Variants in GALNT13 observed in about 807,000 individuals in gnomAD.
The protein encoded by GALNT13 is UDP-GalNAc:polypeptide N-acetylgalactosaminyltransferase 13.
A neutral mutation model predicts 64.2 loss-of-function variants in GALNT13; 28 were observed. The observed-to-expected ratio is 0.44, with a 90% CI of 0.32 to 0.60. The LOEUF (loss-of-function observed/expected upper bound fraction) is 0.60, where lower values mean the gene tolerates loss of function less well. GALNT13 is among the 20% of genes least tolerant of loss of function. GALNT13 has a pLI of 0.05. For missense variants in GALNT13, 577 were observed against 669.8 expected, an observed-to-expected ratio of 0.86 and a Z score of 1.53; for synonymous variants, 214 against 224.6, an observed-to-expected ratio of 0.95 and a Z score of 0.42.
the GALNT13 span, among the ~76,000 whole-genome samples, chr2:153,767,165 C>T: frequency 0.017 from 2,617 of 152,164 alleles, 85 homozygotes; most frequent in African/African-American, 0.06. Context: ...CATGTATACC[C>T]ATTGTTTTGC....
the GALNT13 span, among the ~76,000 whole-genome samples, chr2:153,159,878 A>G: frequency 5.4e-4 from 82 of 152,316 alleles, no homozygotes; most frequent in Admixed American, 9.8e-4. Context: ...TGAGTTTCCT[A>G]TACTGAGAGA....
At chr2:153,617,210 T>G in the GALNT13 span, among the ~76,000 whole-genome samples, 1 of 151,996 alleles carries the variant, frequency 6.6e-6, no homozygotes. Flanking sequence ...GTGTCATAAT[T>G]GGCTTTTATT....
the GALNT13 span, among the ~76,000 whole-genome samples, chr2:153,139,811 T>C: frequency 6.6e-6 from 1 of 152,030 alleles, no homozygotes; most frequent in Admixed American, 6.6e-5. Context: ...ATTTGTTTTA[T>C]GCGTGAAGGG....
chr2:154,060,728 A>C (rs923876170), intron 3 of GALNT13, among the ~76,000 whole-genome samples: 11 of 152,124 alleles, frequency 7.2e-5, no homozygotes, highest in African/African-American at 2.7e-4. Flanking sequence ...ACTTGGGTAG[A>C]GGAACAAATC....
At chr2:153,817,918 T>C in the GALNT13 span, among the ~76,000 whole-genome samples, 1 of 152,142 alleles carries the variant, frequency 6.6e-6, no homozygotes. Context: ...TCAAGCTGGC[T>C]GACTAGAAGC....
At chr2:153,821,671 G>A in the GALNT13 span, among the ~76,000 whole-genome samples, 1 of 152,190 alleles carries the variant, frequency 6.6e-6, no homozygotes, top group East Asian at 1.9e-4. Flanking sequence ...ATACCTAGAA[G>A]AAATAGTAAA....
chr2:153,202,145 C>A, the GALNT13 span, among the ~76,000 whole-genome samples: 1 of 151,644 alleles, frequency 6.6e-6, no homozygotes, highest in Non-Finnish European at 1.5e-5. Flanking sequence ...CCACCGCGCC[C>A]GGCTAATTTT....
At chr2:154,418,000 G>A (rs113776156) in intron 11 of GALNT13, among the ~76,000 whole-genome samples, 148 of 151,648 alleles carry the variant, frequency 9.8e-4, no homozygotes, top group African/African-American at 3.4e-3. Flanking sequence ...TCATTATGTT[G>A]TCATTCAATT....
chr2:154,150,192 G>T (rs971567358), intron 4 of GALNT13, among the ~76,000 whole-genome samples: 32 of 152,158 alleles, frequency 2.1e-4, no homozygotes, highest in African/African-American at 7.5e-4. Flanking sequence ...TAATCATGTG[G>T]TTTTTGTCTT....
At chr2:153,665,637 A>G in the GALNT13 span, among the ~76,000 whole-genome samples, 1 of 152,150 alleles carries the variant, frequency 6.6e-6, no homozygotes, top group Non-Finnish European at 1.5e-5. Flanking sequence ...CAAATGGATG[A>G]CCAGACTCTG....
At chr2:153,374,648 G>C in the GALNT13 span, among the ~76,000 whole-genome samples, 1 of 151,926 alleles carries the variant, frequency 6.6e-6, no homozygotes, top group Non-Finnish European at 1.5e-5. Flanking sequence ...ATGAACCCTA[G>C]ACTGACTGAT....
chr2:153,348,078 A>AG, the GALNT13 span, among the ~76,000 whole-genome samples: 1 of 152,028 alleles, frequency 6.6e-6, no homozygotes, highest in Non-Finnish European at 1.5e-5. Flanking sequence ...GAATTTGGAG[A>AG]GGGGGGTGTC....
chr2:153,584,872 A>C, the GALNT13 span, among the ~76,000 whole-genome samples: 1 of 152,202 alleles, frequency 6.6e-6, no homozygotes, highest in Non-Finnish European at 1.5e-5. Flanking sequence ...TCACTACTGC[A>C]TGTACTCAGA....
At chr2:153,556,382 A>T in the GALNT13 span, among the ~76,000 whole-genome samples, 3 of 152,256 alleles carry the variant, frequency 2.0e-5, no homozygotes, top group Admixed American at 6.5e-5. Context: ...TTAAAATTAA[A>T]AACTGATATT....
chr2:153,631,898 A>G, the GALNT13 span, among the ~76,000 whole-genome samples: 5 of 152,260 alleles, frequency 3.3e-5, no homozygotes, highest in East Asian at 7.7e-4. Context: ...TATGTCCTGA[A>G]TGGTATCGCC....
At chr2:153,631,195 T>A in the GALNT13 span, among the ~76,000 whole-genome samples, 8 of 152,148 alleles carry the variant, frequency 5.3e-5, no homozygotes, top group Non-Finnish European at 8.8e-5. Flanking sequence ...CACATTTTCT[T>A]AATTCAGTCT....
chr2:154,424,766 CT>C (rs1700400928), intron 11 of GALNT13, among the ~76,000 whole-genome samples: 1 of 152,132 alleles, frequency 6.6e-6, no homozygotes, highest in East Asian at 1.9e-4. Context: ...ATGTATTAGC[CT>C]TTTTCTCTTC....
At chr2:153,616,533 A>G in the GALNT13 span, among the ~76,000 whole-genome samples, 1 of 152,068 alleles carries the variant, frequency 6.6e-6, no homozygotes, top group East Asian at 1.9e-4. Context: ...TAACATTTTA[A>G]CAATATTGAT....
intron 3 of GALNT13, among the ~76,000 whole-genome samples, chr2:154,029,813 C>T (rs921123205): frequency 6.6e-6 from 1 of 151,948 alleles, no homozygotes; most frequent in African/African-American, 2.4e-5. Flanking sequence ...AAAAAGTGAA[C>T]AATATACACA....
Sources: allele counts gnomAD v4.1 joint callset (sites outside exome capture counted in the v4.1 genomes callset), GRCh38; gene constraint gnomAD v4.1.1; transcripts MANE v1.5; gene names NCBI Gene and HGNC (gene_info 2026-07-23, HGNC 2026-07-21).